Variants in MARCHF1 observed in about 807,000 individuals in gnomAD.
The protein encoded by MARCHF1 is membrane associated ring-CH-type finger 1.
In MARCHF1, 40 loss-of-function variants were observed where a neutral mutation model predicts 54.2. The observed-to-expected ratio is 0.74, with a 90% CI of 0.57 to 0.96. The LOEUF is 0.96. MARCHF1 is among the 40% of genes least tolerant of loss of function. The probability of loss-of-function intolerance (pLI) is 0.00; values close to 1 mark genes in which losing one functional copy is unlikely to be tolerated. For missense variants in MARCHF1, 586 were observed against 656.5 expected (o/e 0.89, Z 1.17); for synonymous variants, 236 against 236.3 (o/e 1.00, Z 0.01).
chr4:163,702,140 C>A (rs1248754736), intron 4 of MARCHF1, among the ~76,000 whole-genome samples: 1 of 152,162 alleles, frequency 6.6e-6, no homozygotes. Context: ...CTCATACAAC[C>A]ACTGATGTCA....
At chr4:163,738,392 C>G (rs953593631) in intron 4 of MARCHF1, among the ~76,000 whole-genome samples, 1 of 150,008 alleles carries the variant, frequency 6.7e-6, no homozygotes, top group Non-Finnish European at 1.5e-5. Context: ...TATTAAATCC[C>G]AATACATATA....
chr4:163,836,851 C>A (rs1017583923), intron 4 of MARCHF1, among the ~76,000 whole-genome samples: 1 of 151,290 alleles, frequency 6.6e-6, no homozygotes, highest in Non-Finnish European at 1.5e-5. Context: ...GCCCATTAGC[C>A]CCCTGGAAGC....
chr4:164,242,639 A>T (rs1560970093), intron 1 of MARCHF1, among the ~76,000 whole-genome samples: 1 of 151,578 alleles, frequency 6.6e-6, no homozygotes, highest in Non-Finnish European at 1.5e-5. Context: ...AATGACTTTG[A>T]TGAGCTGTGA....
At chr4:164,088,825 C>T (rs1426124703) in intron 2 of MARCHF1, among the ~76,000 whole-genome samples, 3 of 151,970 alleles carry the variant, frequency 2.0e-5, no homozygotes, top group Admixed American at 1.3e-4. Context: ...ATCATAAAAC[C>T]AGAACAATAG....
intron 4 of MARCHF1, among the ~76,000 whole-genome samples, chr4:163,754,398 T>C (rs1746606603): frequency 6.6e-6 from 1 of 152,182 alleles, no homozygotes; most frequent in Admixed American, 6.5e-5. Context: ...GATAATAGAA[T>C]AAAAATTGGA....
At chr4:164,283,892 T>G (rs1308788593) in intron 1 of MARCHF1, among the ~76,000 whole-genome samples, 1 of 151,014 alleles carries the variant, frequency 6.6e-6, no homozygotes, top group African/African-American at 2.4e-5. Context: ...ATTCTATTTA[T>G]CCACATGAGG....
intron 5 of MARCHF1, among the ~76,000 whole-genome samples, chr4:163,637,215 G>A (rs1308565462): frequency 6.6e-6 from 1 of 152,046 alleles, no homozygotes; most frequent in Non-Finnish European, 1.5e-5. Flanking sequence ...AACACCAAAA[G>A]CAATGGCAAC....
intron 1 of MARCHF1, among the ~76,000 whole-genome samples, chr4:164,149,709 C>T (rs968456039): frequency 1.3e-5 from 2 of 152,056 alleles, no homozygotes; most frequent in African/African-American, 4.8e-5. Flanking sequence ...TGAATCCACA[C>T]AGTTTTGGAT....
At chr4:164,288,941 C>T (rs1272880117) in intron 1 of MARCHF1, among the ~76,000 whole-genome samples, 1 of 151,982 alleles carries the variant, frequency 6.6e-6, no homozygotes, top group Non-Finnish European at 1.5e-5. Flanking sequence ...TCTTTTATTC[C>T]TTGTCTATCC....
At chr4:164,183,934 T>C (rs1000700411) in intron 1 of MARCHF1, among the ~76,000 whole-genome samples, 1 of 152,140 alleles carries the variant, frequency 6.6e-6, no homozygotes, top group Non-Finnish European at 1.5e-5. Context: ...CTTAGTCCAC[T>C]GAAGGAGGAA....
At chr4:164,058,513 C>T (rs1754544209) in intron 2 of MARCHF1, among the ~76,000 whole-genome samples, 1 of 152,208 alleles carries the variant, frequency 6.6e-6, no homozygotes, top group South Asian at 2.1e-4. Context: ...CAGGCATTGT[C>T]TGTGCCTGCC....
At chr4:164,019,861 G>A (rs1753623885) in intron 2 of MARCHF1, among the ~76,000 whole-genome samples, 1 of 152,220 alleles carries the variant, frequency 6.6e-6, no homozygotes, top group African/African-American at 2.4e-5. Flanking sequence ...TTGTAAGGGT[G>A]TAGAGTTGCA....
chr4:164,040,642 C>T (rs542311111), intron 2 of MARCHF1, among the ~76,000 whole-genome samples: 4 of 151,670 alleles, frequency 2.6e-5, no homozygotes, highest in Admixed American at 6.6e-5. Flanking sequence ...ATATTTTAAA[C>T]GTAAGCAAAG....
intron 5 of MARCHF1, among the ~76,000 whole-genome samples, chr4:163,686,644 C>T (rs1012194180): frequency 1.3e-5 from 2 of 151,758 alleles, no homozygotes; most frequent in Non-Finnish European, 2.9e-5. Context: ...ATGTTGAACT[C>T]AGTACTTCAC....
intron 1 of MARCHF1, among the ~76,000 whole-genome samples, chr4:164,285,557 C>A (rs1734123517): frequency 6.6e-6 from 1 of 151,912 alleles, no homozygotes; most frequent in Non-Finnish European, 1.5e-5. Flanking sequence ...ATTTTCCTGC[C>A]TCAGCCTCAC....
intron 1 of MARCHF1, among the ~76,000 whole-genome samples, chr4:164,234,516 G>A (rs1560966098): frequency 6.6e-6 from 1 of 151,882 alleles, no homozygotes; most frequent in Non-Finnish European, 1.5e-5. Flanking sequence ...ACCAATACAG[G>A]GTTTCAGCCT....
chr4:164,114,894 A>G (rs1298457798), intron 1 of MARCHF1, among the ~76,000 whole-genome samples: 1 of 151,926 alleles, frequency 6.6e-6, no homozygotes, highest in African/African-American at 2.4e-5. Flanking sequence ...ACATGAAATT[A>G]TCTCCCACTT....
chr4:164,251,930 T>G (rs753154421), intron 1 of MARCHF1, among the ~76,000 whole-genome samples: 64 of 152,284 alleles, frequency 4.2e-4, no homozygotes, highest in Admixed American at 1.4e-3. Flanking sequence ...ATTTTAAAAA[T>G]TATTTTTATT....
At chr4:164,287,959 A>G (rs937321458) in intron 1 of MARCHF1, among the ~76,000 whole-genome samples, 2 of 152,176 alleles carry the variant, frequency 1.3e-5, no homozygotes, top group Non-Finnish European at 2.9e-5. Context: ...AATGAATTAT[A>G]TGACTTAGGT....
Sources: allele counts gnomAD v4.1 joint callset (sites outside exome capture counted in the v4.1 genomes callset), GRCh38; gene constraint gnomAD v4.1.1; transcripts MANE v1.5; gene names NCBI Gene and HGNC (gene_info 2026-07-23, HGNC 2026-07-21).